Variants in GRK5 observed in about 807,000 individuals in gnomAD.
GRK5 encodes the protein g protein-coupled receptor kinase GRK5.
Under a neutral mutation model 78.4 loss-of-function variants are expected in GRK5, and 40 were observed. The observed-to-expected ratio is 0.51, with a 90% confidence interval of 0.40 to 0.66. The LOEUF is 0.66. Among genes scored for constraint, GRK5 ranks in the 30% least tolerant of loss-of-function variants. GRK5 has a pLI of 0.00. For synonymous variants in GRK5, 289 were observed against 296.8 expected (o/e 0.97, Z 0.27); for missense variants, 598 against 759.9 (o/e 0.79, Z 2.50).
chr10:119,355,615 A>T (rs184616830), intron 2 of GRK5, among the ~76,000 whole-genome samples: 47 of 152,338 alleles, frequency 3.1e-4, no homozygotes, highest in African/African-American at 1.1e-3. Flanking sequence ...CCCTGTCTCT[A>T]TTAAAAATAC....
intron 2 of GRK5, among the ~76,000 whole-genome samples, chr10:119,362,747 T>C (rs1851386565): frequency 6.6e-6 from 1 of 152,210 alleles, no homozygotes; most frequent in South Asian, 2.1e-4. Flanking sequence ...TGGAGCCTTA[T>C]TATAGCCCCA....
At chr10:119,444,745 G>C (rs774333999) in intron 12 of GRK5, among the ~76,000 whole-genome samples, 3 of 152,338 alleles carry the variant, frequency 2.0e-5, no homozygotes, top group Non-Finnish European at 4.4e-5. Context: ...CGGAGCCACA[G>C]ATGGGCAAAC....
chr10:119,352,996 G>T (rs1247899650), intron 2 of GRK5, among the ~76,000 whole-genome samples: 1 of 152,216 alleles, frequency 6.6e-6, no homozygotes, highest in African/African-American at 2.4e-5. Flanking sequence ...TCTCAGGAGG[G>T]TATGCTGGCC....
chr10:119,353,935 T>C (rs1229656241), intron 2 of GRK5, among the ~76,000 whole-genome samples: 1 of 147,102 alleles, frequency 6.8e-6, no homozygotes, highest in African/African-American at 2.5e-5. Flanking sequence ...TTTCTTTCTT[T>C]TTTTTTTTTT....
intron 6 of GRK5, among the ~76,000 whole-genome samples, chr10:119,425,639 G>A (rs2133887591): frequency 6.6e-6 from 1 of 152,330 alleles, no homozygotes; most frequent in South Asian, 2.1e-4. Context: ...CAGTGCCACA[G>A]TGCCCGAGTG....
Position 119,396,733 on chromosome 10 carries a change from G to C in GRK5, c.300G>C (p.Glu100Asp). Residue 100 changes from glutamate (E) to aspartate (D), a missense_variant, in exon 4 of 16, where the codon GAG becomes GAC. Glu to Asp is a conservative substitution (Grantham distance 45, BLOSUM62 2). Coordinates refer to ENST00000392870, the MANE Select transcript of GRK5 (RefSeq NM_005308.3). ...TTACTCCAGATGAAAAACTGGGAGA[G>C]AAAGGGAAGGAAATTATGACCAAGT... ...YEVTPDEKLG[E>D]KGKEIMTKYL... 1 of 1,613,816 alleles carries C rather than the reference G, an allele frequency of 6.2e-7. No homozygotes were observed. The highest frequency in any genetic ancestry group is 8.5e-7 in the Non-Finnish European group (1 of 1,179,682).
chr10:119,345,661 A>G (rs561194654), intron 2 of GRK5, among the ~76,000 whole-genome samples: 2 of 152,254 alleles, frequency 1.3e-5, no homozygotes, highest in Non-Finnish European at 2.9e-5. Context: ...CCTAGCAGAT[A>G]TCAAGGGTCT....
chr10:119,225,820 A>G (rs1459932825), intron 1 of GRK5, among the ~76,000 whole-genome samples: 2 of 145,268 alleles, frequency 1.4e-5, no homozygotes, highest in East Asian at 4.0e-4. Flanking sequence ...ACAGGCATGC[A>G]CCACTGTGCC....
At chr10:119,453,389 G>C (rs917056170) in intron 15 of GRK5, 113 bp downstream of exon 15, 1 of 1,262,344 alleles carries the variant, frequency 7.9e-7, no homozygotes, top group African/African-American at 1.5e-5. Flanking sequence ...GGAAGTCTGG[G>C]GCAGTAGCAG....
In GRK5 at chr10:119,292,379, C is replaced by T. The variant is rs149257693; in HGVS notation, c.53-34137C>T. Among the ~76,000 whole-genome samples the T allele has an allele frequency of 4.6e-4, 70 of 152,172 alleles. No homozygotes were observed. The East Asian group carries it at 7.3e-3, about 16-fold the overall frequency. The stretch of plus-strand genomic sequence containing the variant: ...CTTCCTTCACAAACACATGGTGCCT[C>T]GGCTTCACAGGGATAGCCCCCATGT... On this transcript the variant is annotated intron_variant, in intron 1 of 15. Coordinates refer to ENST00000392870, the MANE Select transcript of GRK5 (RefSeq NM_005308.3).
Position 119,397,012 on chromosome 10 carries a change from C to T in GRK5, c.339+240C>T, listed in dbSNP as rs577660984. On this transcript the variant is annotated intron_variant, in intron 4 of 15. Coordinates refer to ENST00000392870, the MANE Select transcript of GRK5 (RefSeq NM_005308.3). Reference sequence around the variant, plus strand: ...GGGCGGGATGCCTGCTTCTTGGGGCCCAGCCCCTTCAAGGGTCACCATGCT... The same window carrying T: ...GGGCGGGATGCCTGCTTCTTGGGGCTCAGCCCCTTCAAGGGTCACCATGCT... 2.0e-5 allele frequency among the ~76,000 whole-genome samples: 3 copies of T among 152,352 alleles called. No homozygotes were observed. The South Asian group carries it at 6.2e-4, about 32-fold the overall frequency.
intron 2 of GRK5, among the ~76,000 whole-genome samples, chr10:119,366,339 T>C (rs1851449087): frequency 6.6e-6 from 1 of 152,090 alleles, no homozygotes; most frequent in Admixed American, 6.5e-5. Context: ...TGTCCTGGGC[T>C]CTACAGGGGA....
At chr10:119,270,784 T>C (rs1849570730) in intron 1 of GRK5, among the ~76,000 whole-genome samples, 1 of 152,230 alleles carries the variant, frequency 6.6e-6, no homozygotes, top group Non-Finnish European at 1.5e-5. Flanking sequence ...TAGGGTTTTG[T>C]AGGTGTAACA....
intron 2 of GRK5, among the ~76,000 whole-genome samples, chr10:119,374,918 G>A (rs1851600231): frequency 6.6e-6 from 1 of 152,178 alleles, no homozygotes; most frequent in Non-Finnish European, 1.5e-5. Flanking sequence ...CCCTGAAGCA[G>A]ATGCCAGTGC....
At chr10:119,354,866 A>G (rs1036936445) in intron 2 of GRK5, among the ~76,000 whole-genome samples, 9 of 152,178 alleles carry the variant, frequency 5.9e-5, no homozygotes, top group African/African-American at 1.7e-4. Flanking sequence ...CTGACTTTTC[A>G]TATACTCAGG....
At position 119,386,804 on chromosome 10, in the gene GRK5, C is replaced by T. The variant is rs1024367060; in HGVS notation, c.261+5877C>T. Among the ~76,000 whole-genome samples, 3 of 152,298 alleles carry T rather than the reference C, an allele frequency of 2.0e-5. No homozygotes were observed. The South Asian group carries it at 6.2e-4, about 32-fold the overall frequency. ...TCTAAAATCCGTTTTTTCTTCCATC[C>T]TGACTGGAACCCAGAGGAGGGAGGA... On this transcript the variant is annotated intron_variant, in intron 3 of 15. Coordinates refer to ENST00000392870, the MANE Select transcript of GRK5 (RefSeq NM_005308.3).
intron 1 of GRK5, among the ~76,000 whole-genome samples, chr10:119,314,225 G>A (rs899069258): frequency 5.3e-5 from 8 of 152,310 alleles, no homozygotes; most frequent in Admixed American, 2.0e-4. Flanking sequence ...AGCGGCAGGC[G>A]GCCAGCAGGC....
chr10:119,405,188 G>A (rs150881997), intron 4 of GRK5, among the ~76,000 whole-genome samples: 49 of 152,154 alleles, frequency 3.2e-4, no homozygotes, highest in Admixed American at 1.3e-3. Flanking sequence ...GGTTCTTCCC[G>A]GACAAGGGGG....
intron 6 of GRK5, among the ~76,000 whole-genome samples, chr10:119,426,813 AC>A (rs1162481368): frequency 6.6e-6 from 1 of 151,530 alleles, no homozygotes; most frequent in Non-Finnish European, 1.5e-5. Flanking sequence ...CAACATCACC[AC>A]CATCATCAGC....
Sources: gnomAD v4.1 joint callset for allele counts (sites outside exome capture counted in the v4.1 genomes callset) on GRCh38, gnomAD v4.1.1 for gene constraint, MANE v1.5 for transcripts, NCBI Gene and HGNC (gene_info 2026-07-23, HGNC 2026-07-21) for gene names.